The following MPZL1 variants were observed in gnomAD, a reference collection of about 807,000 sequenced individuals.
MPZL1 encodes myelin protein zero-like protein 1.
A neutral mutation model predicts 29.3 loss-of-function variants in MPZL1; 16 were observed. The observed-to-expected ratio is 0.55, with a 90% confidence interval of 0.37 to 0.83. The LOEUF (loss-of-function observed/expected upper bound fraction) is 0.83. Among genes scored for constraint, MPZL1 ranks in the 40% least tolerant of loss-of-function variants. The probability of loss-of-function intolerance (pLI) is 0.00; values close to 1 mark genes in which losing one functional copy is unlikely to be tolerated. For synonymous variants in MPZL1, 143 were observed against 132.0 expected (o/e 1.08, Z -0.57); for missense variants, 279 against 332.9 (o/e 0.84, Z 1.26).
chr1:167,779,496 A>G (rs1661446555), intron 5 of MPZL1, among the ~76,000 whole-genome samples: 1 of 152,024 alleles, frequency 6.6e-6, no homozygotes. Flanking sequence ...AAGACAGGAG[A>G]ATTGCTTAAA....
chr1:167,787,775 C>T lies in MPZL1; in HGVS notation c.709-45C>T, dbSNP rs368401757. 3.8e-5 allele frequency: 55 copies of T among 1,446,382 alleles called. No homozygotes were observed. In the African/African-American group the frequency reaches 6.7e-4, roughly 18 times the overall value. The allele number at this position is 1,446,382 out of a possible 1,614,324, so 89.6% of individuals were successfully genotyped here. On this transcript the variant is annotated intron_variant, in intron 5 of 5. Coordinates refer to ENST00000359523, the MANE Select transcript of MPZL1 (RefSeq NM_003953.6). ...CTTCTATGCCTGTAGCTGAAGGAAC[C>T]GCCAGCGTTTTCAGTCCTCTAATCC...
chr1:167,755,202 G>A (rs1235810726), intron 1 of MPZL1, among the ~76,000 whole-genome samples: 1 of 152,106 alleles, frequency 6.6e-6, no homozygotes, highest in East Asian at 1.9e-4. Context: ...ATTTTTTGCT[G>A]TATTTTGGAG....
chr1:167,767,266 A>C (rs1661133747), intron 2 of MPZL1, among the ~76,000 whole-genome samples: 1 of 152,236 alleles, frequency 6.6e-6, no homozygotes, highest in South Asian at 2.1e-4. Context: ...TAGAACATAC[A>C]CTAATGTTCC....
rs141283933 is a variant in MPZL1, at chr1:167,773,216, A to G, written c.473-20A>G. 6 of 1,605,898 alleles carry G rather than the reference A, an allele frequency of 3.7e-6. No individual in the cohort carries two copies. Among genetic ancestry groups the G allele is most frequent in the Non-Finnish European group, 5.1e-6 (6 of 1,174,878 alleles). ...CTCTGTAGCAATGTACCTTAAAACT[A>G]TTTTGTTCTTTCTCTCTAGAGAATT... is the stretch of plus-strand genomic sequence containing the variant. On this transcript the variant is annotated intron_variant, in intron 3 of 5. Transcript: ENST00000359523.
chr1:167,765,881 C>A (rs2101782823), intron 2 of MPZL1, 132 bp downstream of exon 2: 2 of 789,426 alleles, frequency 2.5e-6, no homozygotes, highest in Non-Finnish European at 3.7e-6. Flanking sequence ...GACTTCAAGG[C>A]CCTTCTTTTG....
chr1:167,764,438 G>A (rs1661065717), intron 1 of MPZL1, among the ~76,000 whole-genome samples: 1 of 152,040 alleles, frequency 6.6e-6, no homozygotes, highest in Admixed American at 6.6e-5. Flanking sequence ...TGTGATATAC[G>A]GTGTAATCAG....
intron 2 of MPZL1, among the ~76,000 whole-genome samples, chr1:167,768,388 C>CTT: frequency 6.9e-6 from 1 of 145,840 alleles, no homozygotes; most frequent in African/African-American, 2.5e-5. Context: ...CATAATGCCT[C>CTT]TTTTTTTTTT....
At chr1:167,723,835 C>A (rs1558104729) in intron 1 of MPZL1, among the ~76,000 whole-genome samples, 2 of 152,172 alleles carry the variant, frequency 1.3e-5, no homozygotes, top group Admixed American at 1.3e-4. Flanking sequence ...AAATTCTTGC[C>A]AAATCACCTC....
In MPZL1 at chr1:167,772,418, CTG is replaced by C. The variant is rs1392021564; in HGVS notation, c.405_406del (p.Cys135Ter). 1.9e-6 allele frequency: 3 copies of C among 1,614,132 alleles called. No individual in the cohort carries two copies. Among genetic ancestry groups the C allele is most frequent in the Non-Finnish European group, 2.5e-6 (3 of 1,179,986 alleles). The stretch of plus-strand genomic sequence containing the variant: ...AGTTTATACACAATGGCACCTATAT[CTG>C]TGATGTCAAAAACCCTCCTGACATC... ...MQFIHNGTYI[C>X]DVKNPPDIVV... On this transcript the variant is annotated frameshift_variant, in exon 3 of 6. Transcript: ENST00000359523. LOFTEE classifies it high-confidence loss of function.
chr1:167,726,650 C>A (rs1660151348), intron 1 of MPZL1, among the ~76,000 whole-genome samples: 1 of 152,122 alleles, frequency 6.6e-6, no homozygotes, highest in Non-Finnish European at 1.5e-5. Context: ...GTTCCCTTGG[C>A]CTTTTACTTA....
chr1:167,752,020 C>A (rs990605377), intron 1 of MPZL1, among the ~76,000 whole-genome samples: 2 of 152,330 alleles, frequency 1.3e-5, no homozygotes, highest in East Asian at 3.8e-4. Flanking sequence ...AAGAATCCTC[C>A]GTGATGCCCA....
intron 2 of MPZL1, among the ~76,000 whole-genome samples, chr1:167,771,313 A>G (rs1661242953): frequency 1.3e-5 from 2 of 152,154 alleles, no homozygotes; most frequent in South Asian, 4.1e-4. Context: ...GTTGGGGGTA[A>G]GGTTTATAGA....
chr1:167,782,659 A>G (rs998362006), intron 5 of MPZL1, among the ~76,000 whole-genome samples: 15 of 152,222 alleles, frequency 9.9e-5, no homozygotes, highest in African/African-American at 3.6e-4. Context: ...ATGTTACCTT[A>G]CGTATCAAAA....
At chr1:167,783,324 A>G (rs1161257182) in intron 5 of MPZL1, among the ~76,000 whole-genome samples, 1 of 152,180 alleles carries the variant, frequency 6.6e-6, no homozygotes, top group Non-Finnish European at 1.5e-5. Context: ...GGCACTGTGG[A>G]AAAAAATAAG....
chr1:167,772,329 G>A lies in MPZL1; in HGVS notation c.313G>A (p.Asp105Asn). Residue 105 changes from aspartate (D) to asparagine (N), a missense_variant, in exon 3 of 6, where the codon GAC becomes AAC. Asp to Asn is a conservative substitution (Grantham distance 23). Transcript: ENST00000359523. ...VYLGNYPPFK[D>N]RISWAGDLDK... is the part of the protein sequence containing the mutation. The stretch of plus-strand genomic sequence containing the variant: ...CCTTGGGAATTATCCACCATTTAAA[G>A]ACAGAATCAGCTGGGCTGGAGACCT... The A allele has an allele frequency of 6.2e-7, 1 of 1,613,862 alleles. No individual in the cohort carries two copies. The highest frequency in any genetic ancestry group is 1.1e-5 in the South Asian group (1 of 91,072).
At chr1:167,782,648 T>A (rs1661519814) in intron 5 of MPZL1, among the ~76,000 whole-genome samples, 1 of 152,192 alleles carries the variant, frequency 6.6e-6, no homozygotes, top group Admixed American at 6.5e-5. Context: ...TTCTTTAGGA[T>A]ATGTTACCTT....
chr1:167,763,282 G>GGT (rs1661026651), intron 1 of MPZL1, among the ~76,000 whole-genome samples: 1 of 152,072 alleles, frequency 6.6e-6, no homozygotes, highest in Non-Finnish European at 1.5e-5. Context: ...TGGGGGGGCC[G>GGT]GGGCTGGTGA....
chr1:167,746,757 T>A (rs1166221578), intron 1 of MPZL1, among the ~76,000 whole-genome samples: 1 of 152,228 alleles, frequency 6.6e-6, no homozygotes, highest in Non-Finnish European at 1.5e-5. Flanking sequence ...CATGTGTTTC[T>A]AAGCTGTTTT....
At chr1:167,781,570 AAAG>A (rs746362796) in intron 5 of MPZL1, among the ~76,000 whole-genome samples, 35 of 152,194 alleles carry the variant, frequency 2.3e-4, no homozygotes, top group Admixed American at 5.9e-4. Context: ...AGATATAGCT[AAAG>A]AAGTGCTTTG....
Sources: gnomAD v4.1 joint callset for allele counts (sites outside exome capture counted in the v4.1 genomes callset) on GRCh38, gnomAD v4.1.1 for gene constraint, MANE v1.5 for transcripts, NCBI Gene and HGNC (gene_info 2026-07-23, HGNC 2026-07-21) for gene names.